The following RILPL2 variants were observed in gnomAD, a reference collection of about 807,000 sequenced individuals.
The protein encoded by RILPL2 is Rab interacting lysosomal protein like 2, also known as RILP-like protein 2.
Under a neutral mutation model 22.2 loss-of-function variants are expected in RILPL2, and 19 were observed. That is an observed-to-expected ratio of 0.86 (90% CI 0.60 to 1.25). The LOEUF is 1.25. Among genes scored for constraint, RILPL2 ranks in the 50% most tolerant of loss-of-function variants. RILPL2 has a pLI of 0.00. For missense variants in RILPL2, 243 were observed against 263.6 expected (o/e 0.92, Z 0.54); for synonymous variants, 123 against 111.6 (o/e 1.10, Z -0.64).
At chr12:123,413,479 G>A (rs1169298617), downstream of RILPL2, 3 of 154,404 alleles carry the variant, frequency 1.9e-5, no homozygotes, top group African/African-American at 4.8e-5. Context: ...CGCGTCTGGA[G>A]TTGCTCGTTC....
chr12:123,415,982 A>C (rs1358634804), intron 3 of RILPL2, 61 bp from the exon 4 acceptor site: 3 of 1,563,252 alleles, frequency 1.9e-6, no homozygotes, highest in Middle Eastern at 1.7e-4. Flanking sequence ...GGGCACAGCA[A>C]CCCCCGTAAA....
chr12:123,421,536 G>C (rs765181253), intron 3 of RILPL2, among the ~76,000 whole-genome samples: 7 of 151,982 alleles, frequency 4.6e-5, no homozygotes, highest in Non-Finnish European at 8.8e-5. Context: ...CTACATGCCT[G>C]ACTGCCTCTT....
At chr12:123,426,093 G>A (rs1231036749) in intron 2 of RILPL2, among the ~76,000 whole-genome samples, 1 of 152,094 alleles carries the variant, frequency 6.6e-6, no homozygotes, top group Non-Finnish European at 1.5e-5. Context: ...ACAGGCATGA[G>A]CCACCAAACC....
chr12:123,416,303 G>A (rs1309695305), intron 3 of RILPL2, among the ~76,000 whole-genome samples: 1 of 151,898 alleles, frequency 6.6e-6, no homozygotes, highest in African/African-American at 2.4e-5. Flanking sequence ...CAGCCTGGGC[G>A]ACAGAGCAAG....
chr12:123,432,040 G>A (rs1199166228), intron 1 of RILPL2, among the ~76,000 whole-genome samples: 5 of 151,138 alleles, frequency 3.3e-5, no homozygotes, highest in Non-Finnish European at 4.4e-5. Context: ...GATTACAGGC[G>A]CCTGCCACCA....
downstream of RILPL2, chr12:123,414,924 C>A (rs1282291520): frequency 8.7e-6 from 1 of 115,034 alleles, no homozygotes; most frequent in Admixed American, 1.1e-4. Context: ...GAGCGAGAGA[C>A]TCCGTCTCAA....
chr12:123,435,944 A>C (rs1593497646), intron 1 of RILPL2, 138 bp downstream of exon 1: 3 of 1,277,608 alleles, frequency 2.3e-6, no homozygotes, highest in East Asian at 5.0e-5. Context: ...CCTGGGCAAC[A>C]CAGCGAGATC....
intron 3 of RILPL2, among the ~76,000 whole-genome samples, chr12:123,421,517 C>T (rs1428463138): frequency 2.0e-5 from 3 of 152,008 alleles, no homozygotes; most frequent in Non-Finnish European, 4.4e-5. Flanking sequence ...TGACTTTGCT[C>T]TCTGGAAGCT....
intron 2 of RILPL2, among the ~76,000 whole-genome samples, chr12:123,427,153 T>G (rs79908979): frequency 1.4e-4 from 21 of 152,126 alleles, no homozygotes; most frequent in Non-Finnish European, 2.6e-4. Flanking sequence ...AGCCTGAGCT[T>G]CTCACTTGGC....
intron 1 of RILPL2, among the ~76,000 whole-genome samples, chr12:123,432,691 C>T (rs557404953): frequency 3.9e-5 from 6 of 152,150 alleles, no homozygotes; most frequent in Non-Finnish European, 7.3e-5. Flanking sequence ...GGAAACTACC[C>T]AGCCCCTGTG....
chr12:123,416,564 C>T (rs976238827), intron 3 of RILPL2, among the ~76,000 whole-genome samples: 3 of 152,120 alleles, frequency 2.0e-5, no homozygotes, highest in East Asian at 1.9e-4. Flanking sequence ...GGCATAAACC[C>T]GGGAGGCGGA....
rs1879812125 is a variant in RILPL2 at position 123,436,573 on chromosome 12, G to A, written c.-153C>T. 1 of 1,255,094 alleles carries A rather than the reference G, an allele frequency of 8.0e-7. No individual in the cohort carries two copies. The highest frequency in any genetic ancestry group is 1.5e-5 in the African/African-American group (1 of 66,234). The allele number at this position is 1,255,094 out of a possible 1,614,324, so 77.7% of individuals were successfully genotyped here. Reference sequence around the variant, plus strand: ...GTGGGCCCGGGGGGATGGTGCAAGGGGCCGCGCACGCGACTCTTGGGCCTG... The same window carrying A: ...GTGGGCCCGGGGGGATGGTGCAAGGAGCCGCGCACGCGACTCTTGGGCCTG... On this transcript the variant is annotated 5_prime_UTR_variant, in exon 1 of 4. Transcript: ENST00000280571. The surrounding 1 kb of genome is among the most constrained non-coding windows in gnomAD (Gnocchi z 6.7).
In RILPL2 at chr12:123,415,880, TG is replaced by T. The variant is rs1879102889; in HGVS notation, c.*10del. On this transcript the variant is annotated 3_prime_UTR_variant, in exon 4 of 4. Transcript: ENST00000280571. The stretch of plus-strand genomic sequence containing the variant: ...AGAATCAGAGCCATAGCCTTACTTG[TG>T]GCCTTGGATCTAGGTCTGTTTCCCC... 6.2e-7 allele frequency: 1 copy of T among 1,614,020 alleles called. No individual in the cohort carries two copies.
At chr12:123,410,157 T>C (rs1335243554), downstream of RILPL2, among the ~76,000 whole-genome samples, 1 of 152,222 alleles carries the variant, frequency 6.6e-6, no homozygotes, top group African/African-American at 2.4e-5. Flanking sequence ...TAAAAGTTAA[T>C]GCATTTTGAG....
intron 2 of RILPL2, among the ~76,000 whole-genome samples, chr12:123,426,435 G>A (rs1380876586): frequency 1.3e-5 from 2 of 152,130 alleles, no homozygotes; most frequent in African/African-American, 2.4e-5. Flanking sequence ...TTACAGGTGT[G>A]AGCCACCTGC....
intron 3 of RILPL2, among the ~76,000 whole-genome samples, chr12:123,417,399 T>C (rs1248701074): frequency 6.6e-6 from 1 of 151,966 alleles, no homozygotes; most frequent in East Asian, 1.9e-4. Context: ...TTTTTGTACA[T>C]AAATACGGTC....
Position 123,417,590 on chromosome 12 carries a change from C to CT in RILPL2, c.606-1670dup, listed in dbSNP as rs539011275. ...CCATGGTCTTCTGTTCTGAAAATTT[C>CT]TTTTTTTTTTTGAGACAGAGTTTCA... On this transcript the variant is annotated intron_variant, in intron 3 of 3. Transcript: ENST00000280571. Among the ~76,000 whole-genome samples, 372 of 146,812 alleles carry CT rather than the reference C, an allele frequency of 2.5e-3. 4 individuals are homozygous for CT. The highest frequency in any genetic ancestry group is 7.7e-3 in the African/African-American group (310 of 40,370).
rs1879809500 is a variant in RILPL2 at position 123,436,503 on chromosome 12, T to C, written c.-83A>G. The C allele has an allele frequency of 6.7e-7, 1 of 1,487,934 alleles. No homozygotes were observed. Among genetic ancestry groups the C allele is most frequent in the Non-Finnish European group, 8.9e-7 (1 of 1,120,504 alleles). The allele number at this position is 1,487,934 out of a possible 1,614,324, so 92.2% of individuals were successfully genotyped here. On this transcript the variant is annotated 5_prime_UTR_variant, in exon 1 of 4. Coordinates refer to ENST00000280571, the MANE Select transcript of RILPL2 (RefSeq NM_145058.3). This position sits in a 1 kb window ranked among gnomAD's most constrained non-coding sequence, Gnocchi z 6.7. The stretch of plus-strand genomic sequence containing the variant: ...GACTTCCTCCCGGCACCCAAAACTT[T>C]CCGCTGGGCAGAGTCCCTACCTGCC...
chr12:123,416,412 G>A (rs1385723161), intron 3 of RILPL2, among the ~76,000 whole-genome samples: 1 of 152,138 alleles, frequency 6.6e-6, no homozygotes. Context: ...GACGGAGGCA[G>A]GCAGATCATG....
Sources: gnomAD v4.1 joint callset for allele counts (sites outside exome capture counted in the v4.1 genomes callset) on GRCh38, gnomAD v4.1.1 for gene constraint, Gnocchi (gnomAD v3.1) non-coding constraint, MANE v1.5 for transcripts, NCBI Gene and HGNC (gene_info 2026-07-23, HGNC 2026-07-21) for gene names.